Variants in UBXN4 observed in about 807,000 individuals in gnomAD.
The protein encoded by UBXN4 is UBX domain-containing protein 4.
A neutral mutation model predicts 66.2 loss-of-function variants in UBXN4; 35 were observed. The ratio of observed to expected loss-of-function variants is 0.53; its 90% CI spans 0.40 to 0.70. The LOEUF (loss-of-function observed/expected upper bound fraction) is 0.70, where lower values mean the gene tolerates loss of function less well. Among genes scored for constraint, UBXN4 ranks in the 30% least tolerant of loss-of-function variants. The pLI is 0.00. For synonymous variants in UBXN4, 203 were observed against 204.5 expected (o/e 0.99, Z 0.06); for missense variants, 533 against 599.8 (o/e 0.89, Z 1.16).
chr2:135,761,999 T>C, intron 6 of UBXN4, 88 bp downstream of exon 6: 1 of 1,333,846 alleles, frequency 7.5e-7, no homozygotes, highest in African/African-American at 1.5e-5. Flanking sequence ...GCTAAAGTTA[T>C]ACAAATGAAG....
intron 6 of UBXN4, among the ~76,000 whole-genome samples, chr2:135,767,254 A>G (rs2077354773): frequency 6.6e-6 from 1 of 152,116 alleles, no homozygotes; most frequent in Admixed American, 6.5e-5. Flanking sequence ...CCAGCCACTG[A>G]GGAGCCTGAG....
At chr2:135,776,864 G>T (rs972462152) in intron 10 of UBXN4, among the ~76,000 whole-genome samples, 7 of 152,328 alleles carry the variant, frequency 4.6e-5, no homozygotes, top group African/African-American at 2.4e-5. Flanking sequence ...AGTGCGTTGG[G>T]ATTACAGGCG....
chr2:135,775,830 G>A (rs1402904807), intron 9 of UBXN4, among the ~76,000 whole-genome samples: 1 of 152,196 alleles, frequency 6.6e-6, no homozygotes, highest in Non-Finnish European at 1.5e-5. Flanking sequence ...GCGGTGGCAT[G>A]ATCTCGGCTT....
Position 135,748,277 on chromosome 2 carries a change from A to G in UBXN4, c.93A>G (p.Glu31=), listed in dbSNP as rs2077221724. Reference sequence around the variant, plus strand: ...TGAAATGTTTTACAGGTGATGATGAACAGTCTACACAGATGGCTGCAAGTT... The same window carrying G: ...TGAAATGTTTTACAGGTGATGATGAGCAGTCTACACAGATGGCTGCAAGTT... The part of the protein sequence containing the change: ...VFVVFVAGDD[E]QSTQMAASWE... The change falls in exon 2 of 13, where the codon GAA becomes GAG. Residue 31 remains glutamate, a synonymous_variant. Transcript: ENST00000272638. The G allele has an allele frequency of 6.3e-7, 1 of 1,579,464 alleles. No individual in the cohort carries two copies. Among genetic ancestry groups the G allele is most frequent in the Non-Finnish European group, 8.6e-7 (1 of 1,164,054 alleles).
At position 135,783,130 on chromosome 2, in the gene UBXN4, C is replaced by T. The variant is rs995043834; in HGVS notation, c.*243C>T. 3 of 321,838 alleles carry T rather than the reference C, an allele frequency of 9.3e-6. No individual in the cohort carries two copies. The highest frequency in any genetic ancestry group is 5.7e-6 in the Non-Finnish European group (1 of 176,236). The allele number at this position is 321,838 out of a possible 1,614,324, so 19.9% of individuals were successfully genotyped here. On this transcript the variant is annotated 3_prime_UTR_variant, in exon 13 of 13. Coordinates refer to ENST00000272638, the MANE Select transcript of UBXN4 (RefSeq NM_014607.4). The stretch of plus-strand genomic sequence containing the variant: ...CTAGAACCCTAAAAGAACCAAAAAT[C>T]TGCCACAGCCTGCCTCCATCAGCTT...
At chr2:135,778,498 A>G (rs1442292825) in intron 10 of UBXN4, among the ~76,000 whole-genome samples, 1 of 152,140 alleles carries the variant, frequency 6.6e-6, no homozygotes, top group Non-Finnish European at 1.5e-5. Context: ...ATGCCTTGAG[A>G]CAAGGAGGAG....
chr2:135,779,936 A>G (rs1371399045), intron 11 of UBXN4, among the ~76,000 whole-genome samples: 1 of 147,100 alleles, frequency 6.8e-6, no homozygotes, highest in Non-Finnish European at 1.5e-5. Flanking sequence ...TGTATACTAT[A>G]CAATTATACA....
intron 1 of UBXN4, among the ~76,000 whole-genome samples, chr2:135,743,036 A>G (rs867646677): frequency 6.6e-6 from 1 of 152,190 alleles, no homozygotes; most frequent in Non-Finnish European, 1.5e-5. Flanking sequence ...TACTCATTAC[A>G]TGGACCAAAT....
intron 10 of UBXN4, 127 bp from the exon 11 acceptor site, chr2:135,778,821 T>G: frequency 9.4e-7 from 1 of 1,059,186 alleles, no homozygotes; most frequent in Non-Finnish European, 1.3e-6. Flanking sequence ...TTTATACCTT[T>G]TTTTGAGTTT....
intron 1 of UBXN4, among the ~76,000 whole-genome samples, chr2:135,744,024 T>G (rs1476368308): frequency 6.6e-6 from 1 of 152,234 alleles, no homozygotes; most frequent in African/African-American, 2.4e-5. Context: ...GCTAGCTTTT[T>G]TAGAGCTTTA....
chr2:135,752,933 C>T (rs917376859), intron 2 of UBXN4, among the ~76,000 whole-genome samples: 13 of 151,394 alleles, frequency 8.6e-5, no homozygotes, highest in African/African-American at 2.9e-4. Flanking sequence ...GTTGGCCAGG[C>T]TGGTCTCAAC....
intron 12 of UBXN4, among the ~76,000 whole-genome samples, chr2:135,781,752 T>C (rs2077451764): frequency 1.3e-5 from 2 of 152,198 alleles, no homozygotes; most frequent in African/African-American, 4.8e-5. Flanking sequence ...TACTGTAATA[T>C]AGGAGAGCTC....
chr2:135,745,545 G>A (rs1259230092), intron 1 of UBXN4, among the ~76,000 whole-genome samples: 1 of 152,080 alleles, frequency 6.6e-6, no homozygotes, highest in Non-Finnish European at 1.5e-5. Flanking sequence ...TTTATATTTA[G>A]TATACAGTTC....
chr2:135,770,706 C>T lies in UBXN4; in HGVS notation c.793C>T (p.Arg265Ter). ...NREKAEDRAA[R>*]ERIKQQIALD... ...AGAGAAAGCAGAAGATAGGGCAGCT[C>T]GAGAACGTATAAAACAGCAGATTGC... is the stretch of plus-strand genomic sequence containing the variant. Residue 265 changes from arginine to a stop codon, truncating the protein, a stop_gained, in exon 8 of 13, where the codon CGA (arginine) becomes TGA (stop). Transcript: ENST00000272638. LOFTEE classifies it high-confidence loss of function. 1 of 1,552,600 alleles carries T rather than the reference C, an allele frequency of 6.4e-7. No homozygotes were observed. Among genetic ancestry groups the T allele is most frequent in the Non-Finnish European group, 8.6e-7 (1 of 1,160,404 alleles).
At chr2:135,743,559 A>G (rs183402447) in intron 1 of UBXN4, among the ~76,000 whole-genome samples, 42 of 152,352 alleles carry the variant, frequency 2.8e-4, no homozygotes, top group African/African-American at 8.9e-4. Context: ...AAGGATTTAC[A>G]TGTCTTAACA....
chr2:135,757,345 C>T (rs1290520120), intron 5 of UBXN4, among the ~76,000 whole-genome samples: 1 of 152,082 alleles, frequency 6.6e-6, no homozygotes, highest in Non-Finnish European at 1.5e-5. Flanking sequence ...ATTTCTATTT[C>T]TTTCTCTCTT....
At chr2:135,743,250 G>A (rs2077188692) in intron 1 of UBXN4, among the ~76,000 whole-genome samples, 1 of 152,172 alleles carries the variant, frequency 6.6e-6, no homozygotes, top group African/African-American at 2.4e-5. Context: ...TTAGCTCAAT[G>A]CTGTTTATTA....
intron 12 of UBXN4, among the ~76,000 whole-genome samples, chr2:135,780,803 C>T (rs1224283334): frequency 6.6e-6 from 1 of 152,172 alleles, no homozygotes; most frequent in Non-Finnish European, 1.5e-5. Context: ...ATCATTTTAA[C>T]CCTGTTGGTT....
At chr2:135,754,445 C>T (rs1382557029) in intron 4 of UBXN4, among the ~76,000 whole-genome samples, 168 bp downstream of exon 4, 1 of 152,058 alleles carries the variant, frequency 6.6e-6, no homozygotes, top group Non-Finnish European at 1.5e-5. Flanking sequence ...GCCCCAGCCT[C>T]CCAAGTAGCT....
Sources: allele counts gnomAD v4.1 joint callset (sites outside exome capture counted in the v4.1 genomes callset), GRCh38; gene constraint gnomAD v4.1.1; transcripts MANE v1.5; gene names NCBI Gene and HGNC (gene_info 2026-07-23, HGNC 2026-07-21).